NCK1: variants seen among roughly 807,000 people sequenced by gnomAD.
NCK1 encodes NCK adaptor protein 1, also known as SH2/SH3 adapter protein NCK1.
A neutral mutation model predicts 36.6 loss-of-function variants in NCK1; 19 were observed. The ratio of observed to expected loss-of-function variants is 0.52; its 90% CI spans 0.36 to 0.76. NCK1 has a LOEUF of 0.76. Among genes scored for constraint, NCK1 ranks in the 30% least tolerant of loss-of-function variants. The pLI is 0.00. For synonymous variants in NCK1, 165 were observed against 156.0 expected, an observed-to-expected ratio of 1.06 and a Z score of -0.43; for missense variants, 358 against 445.6, an observed-to-expected ratio of 0.80 and a Z score of 1.77.
chr3:136,864,688 A>C (rs1286241037), intron 1 of NCK1, among the ~76,000 whole-genome samples: 3 of 151,974 alleles, frequency 2.0e-5, no homozygotes, highest in Admixed American at 6.6e-5. Flanking sequence ...AAAATATAAA[A>C]AAATTTAAAA....
In NCK1 at chr3:136,888,407, A is replaced by T. The variant is rs1286692573; in HGVS notation, c.-19+26054A>T. The stretch of plus-strand genomic sequence containing the variant: ...GTGCAACCATCACCACAATATCAGA[A>T]TTTTTTTTTTTTTTGAGACGGAGTC... On this transcript the variant is annotated intron_variant, in intron 1 of 3. Transcript: ENST00000481752. 4.1e-5 allele frequency among the ~76,000 whole-genome samples: 6 copies of T among 146,006 alleles called. No individual in the cohort carries two copies. In the South Asian group the frequency reaches 8.7e-4, roughly 21 times the overall value.
At chr3:136,925,300 CTATT>C (rs1940209017) in intron 1 of NCK1, among the ~76,000 whole-genome samples, 1 of 151,918 alleles carries the variant, frequency 6.6e-6, no homozygotes, top group Non-Finnish European at 1.5e-5. Context: ...TACTTTTTGA[CTATT>C]TGTGTTTTCT....
rs764183035 is a variant in NCK1 at position 136,950,096 on chromosome 3, GCTTAT to G, written c.*1647_*1651del. 7.3e-4 allele frequency among the ~76,000 whole-genome samples: 111 copies of G among 152,158 alleles called. No individual in the cohort carries two copies. Among genetic ancestry groups the G allele is most frequent in the Admixed American group, 7.2e-4 (11 of 15,272 alleles). ...TTTAATGGAAATAAAAATCATGTATGCTTATCTTTGCTGTAAAATCAAATGAATAT... is the reference window on the plus strand; with the variant it reads ...TTTAATGGAAATAAAAATCATGTATGCTTTGCTGTAAAATCAAATGAATAT... On this transcript the variant is annotated 3_prime_UTR_variant, in exon 4 of 4. Transcript: ENST00000481752.
intron 2 of NCK1, among the ~76,000 whole-genome samples, chr3:136,931,988 C>T (rs560207049): frequency 2.6e-5 from 4 of 152,020 alleles, no homozygotes; most frequent in South Asian, 2.1e-4. Flanking sequence ...GGCGTGGTGG[C>T]GGGTGCCTGT....
At chr3:136,876,318 A>G (rs367933872) in intron 1 of NCK1, among the ~76,000 whole-genome samples, 8 of 152,168 alleles carry the variant, frequency 5.3e-5, no homozygotes, top group South Asian at 2.1e-4. Flanking sequence ...CAGAACTGAA[A>G]GAAATAGAGA....
At chr3:136,895,425 C>T (rs1287618036) in intron 1 of NCK1, among the ~76,000 whole-genome samples, 1 of 151,822 alleles carries the variant, frequency 6.6e-6, no homozygotes, top group Non-Finnish European at 1.5e-5. Context: ...TGCCATACCA[C>T]CTTTTTTAAA....
intron 1 of NCK1, among the ~76,000 whole-genome samples, chr3:136,884,963 T>G (rs540156194): frequency 3.9e-5 from 6 of 152,032 alleles, no homozygotes; most frequent in Non-Finnish European, 7.4e-5. Context: ...TCAAGTGATC[T>G]GCCCACCTCG....
Position 136,945,904 on chromosome 3 carries a change from T to C in NCK1, c.548T>C (p.Val183Ala). Residue 183 changes from valine (V) to alanine (A), a missense_variant, in exon 3 of 4, where the codon GTC becomes GCC. Val to Ala is a moderately conservative substitution (Grantham distance 64, BLOSUM62 0). This residue lies in a region of NCK1 where 207 missense variants were observed against 253.4 expected (regional missense o/e 0.82). Transcript: ENST00000481752. The stretch of plus-strand genomic sequence containing the variant: ...CTGTCAGAGAAATTAGCAGCAGTCG[T>C]CAATAACCTAAATACTGGGCAAGTG... ...GSLSEKLAAV[V>A]NNLNTGQVLH... 6.2e-7 allele frequency: 1 copy of C among 1,614,080 alleles called. No individual in the cohort carries two copies. The highest frequency in any genetic ancestry group is 1.3e-5 in the African/African-American group (1 of 74,998).
At chr3:136,897,738 C>T (rs535310030) in intron 1 of NCK1, among the ~76,000 whole-genome samples, 16 of 152,178 alleles carry the variant, frequency 1.1e-4, no homozygotes, top group Non-Finnish European at 1.9e-4. Flanking sequence ...ATTATTTTCA[C>T]GTTAACATAG....
chr3:136,935,392 T>C (rs1218191152), intron 2 of NCK1, among the ~76,000 whole-genome samples: 1 of 152,190 alleles, frequency 6.6e-6, no homozygotes, highest in African/African-American at 2.4e-5. Context: ...TTTTTTTGTA[T>C]GTGCCTCATA....
intron 1 of NCK1, among the ~76,000 whole-genome samples, chr3:136,870,116 T>C (rs554631706): frequency 6.8e-4 from 95 of 139,828 alleles, no homozygotes; most frequent in African/African-American, 2.4e-3. Flanking sequence ...CCGAGGCAGG[T>C]GGATCGCTTG....
chr3:136,881,685 CCCT>C, intron 1 of NCK1, among the ~76,000 whole-genome samples: 1 of 152,292 alleles, frequency 6.6e-6, no homozygotes, highest in African/African-American at 2.4e-5. Context: ...CCCAAGTCTT[CCCT>C]CCTCCTAGCC....
In NCK1 at chr3:136,862,422, C is replaced by G. The variant is rs1164897687; in HGVS notation, c.-19+69C>G. On this transcript the variant is annotated intron_variant, in intron 1 of 3. Coordinates refer to ENST00000481752, the MANE Select transcript of NCK1 (RefSeq NM_001291999.2). ...TCAGTCCGCTGTCCGTCCATACAGC[C>G]TGTTACTCGCTGCGTCGCTTCCTCT... The G allele has an allele frequency of 1.4e-4, 22 of 152,370 alleles. 1 individual carries two copies. Among genetic ancestry groups the G allele is most frequent in the Admixed American group, 1.4e-3 (22 of 15,292 alleles). The allele number at this position is 152,370 out of a possible 1,614,324, so 9.4% of individuals were successfully genotyped here. A position where few individuals can be genotyped will look rare whatever the true frequency, so the allele number is the denominator to read the frequency against.
chr3:136,917,174 A>G (rs1939989711), intron 1 of NCK1, among the ~76,000 whole-genome samples: 1 of 151,752 alleles, frequency 6.6e-6, no homozygotes, highest in Admixed American at 6.6e-5. Context: ...CATGCAGCCC[A>G]GGACAGCTTT....
intron 1 of NCK1, among the ~76,000 whole-genome samples, chr3:136,922,962 T>C (rs1940148659): frequency 6.6e-6 from 1 of 152,200 alleles, no homozygotes; most frequent in Admixed American, 6.5e-5. Context: ...GCTACTTACA[T>C]AATGATGACG....
At chr3:136,921,673 G>C (rs1940114159) in intron 1 of NCK1, among the ~76,000 whole-genome samples, 1 of 152,182 alleles carries the variant, frequency 6.6e-6, no homozygotes, top group South Asian at 2.1e-4. Flanking sequence ...ATTGCAGTAG[G>C]GAAGAGTGTC....
intron 1 of NCK1, among the ~76,000 whole-genome samples, chr3:136,867,802 A>G (rs1938493953): frequency 6.6e-6 from 1 of 152,130 alleles, no homozygotes; most frequent in Non-Finnish European, 1.5e-5. Context: ...AAACCATACT[A>G]CTTCTCATCT....
Position 136,945,879 on chromosome 3 carries a change from C to G in NCK1, c.523C>G (p.Leu175Val). The G allele has an allele frequency of 6.2e-7, 1 of 1,614,090 alleles. No homozygotes were observed. Among genetic ancestry groups the G allele is most frequent in the Non-Finnish European group, 8.5e-7 (1 of 1,180,018 alleles). ...TCCTTTGGGTGACCATGTGGGTTCT[C>G]TGTCAGAGAAATTAGCAGCAGTCGT... is the stretch of plus-strand genomic sequence containing the variant. The part of the protein sequence containing the change: ...DSPLGDHVGS[L>V]SEKLAAVVNN... Residue 175 changes from leucine to valine, a missense_variant, in exon 3 of 4, where the codon CTG becomes GTG. Physicochemically the swap from Leu to Val is conservative, Grantham distance 32 (BLOSUM62 1). Around this residue, in one of 3 missense-constraint regions of NCK1, gnomAD observed 207 missense variants for 253.4 expected, o/e 0.82. Coordinates refer to ENST00000481752, the MANE Select transcript of NCK1 (RefSeq NM_001291999.2).
intron 1 of NCK1, among the ~76,000 whole-genome samples, chr3:136,905,692 A>G (rs1344331223): frequency 1.3e-5 from 2 of 151,904 alleles, no homozygotes; most frequent in African/African-American, 2.4e-5. Flanking sequence ...TGGTGTGATC[A>G]TGGCTCAGTG....
Sources: allele counts gnomAD v4.1 joint callset (sites outside exome capture counted in the v4.1 genomes callset), GRCh38; gene constraint gnomAD v4.1.1; regional missense constraint gnomAD v4.1.1; transcripts MANE v1.5; gene names NCBI Gene and HGNC (gene_info 2026-07-23, HGNC 2026-07-21).